Variants in TBC1D22A observed in about 807,000 individuals in gnomAD.
The protein encoded by TBC1D22A is TBC1 domain family member 22A, also known as putative GTPase activator.
A neutral mutation model predicts 60.2 loss-of-function variants in TBC1D22A; 38 were observed. The observed-to-expected ratio is 0.63, with a 90% CI of 0.49 to 0.83. The LOEUF (loss-of-function observed/expected upper bound fraction) is 0.83. Among genes scored for constraint, TBC1D22A ranks in the 40% least tolerant of loss-of-function variants. The probability of loss-of-function intolerance (pLI) is 0.00; values close to 1 mark genes in which losing one functional copy is unlikely to be tolerated. For synonymous variants in TBC1D22A, 302 were observed against 281.7 expected (o/e 1.07, Z -0.72); for missense variants, 628 against 701.0 (o/e 0.90, Z 1.18).
At chr22:47,068,747 A>G (rs879562339) in intron 11 of TBC1D22A, among the ~76,000 whole-genome samples, 2 of 152,208 alleles carry the variant, frequency 1.3e-5, no homozygotes, top group East Asian at 1.9e-4. Flanking sequence ...CAGCAGTGCT[A>G]TTGTTTAGAA....
At chr22:47,115,984 T>G (rs533557535) in intron 12 of TBC1D22A, 29 of 152,344 alleles carry the variant, frequency 1.9e-4, no homozygotes, top group African/African-American at 7.0e-4. Context: ...CATTTATCCA[T>G]TTTACCCCCC....
At chr22:47,146,141 G>C (rs139097961) in intron 12 of TBC1D22A, among the ~76,000 whole-genome samples, 1 of 148,930 alleles carries the variant, frequency 6.7e-6, no homozygotes, top group East Asian at 2.0e-4. Context: ...TGTTTGTGCT[G>C]TCCCTTAAAA....
chr22:47,024,491 G>A (rs774431037), intron 10 of TBC1D22A, among the ~76,000 whole-genome samples: 6 of 152,112 alleles, frequency 3.9e-5, no homozygotes, highest in Non-Finnish European at 8.8e-5. Flanking sequence ...GCTGAGGGTG[G>A]GAGAGGAGAA....
At chr22:46,785,551 G>A (rs1433687142) in intron 1 of TBC1D22A, among the ~76,000 whole-genome samples, 1 of 152,058 alleles carries the variant, frequency 6.6e-6, no homozygotes, top group Non-Finnish European at 1.5e-5. Flanking sequence ...CAATTTTAGA[G>A]CATGTTTATT....
chr22:46,903,207 G>A (rs772126845), intron 7 of TBC1D22A, among the ~76,000 whole-genome samples: 12 of 152,168 alleles, frequency 7.9e-5, no homozygotes, highest in Non-Finnish European at 7.4e-5. Flanking sequence ...GTTCGGGACC[G>A]AGGGCTGAGG....
chr22:47,026,796 T>C (rs2062271253), intron 10 of TBC1D22A, among the ~76,000 whole-genome samples: 1 of 152,164 alleles, frequency 6.6e-6, no homozygotes, highest in Non-Finnish European at 1.5e-5. Flanking sequence ...CTCAAGAGTA[T>C]TAAATGTCAG....
intron 12 of TBC1D22A, among the ~76,000 whole-genome samples, chr22:47,158,995 A>G (rs1472209762): frequency 6.6e-6 from 1 of 150,652 alleles, no homozygotes; most frequent in Non-Finnish European, 1.5e-5. Flanking sequence ...CCATGTATGC[A>G]CACAGATAAC....
At chr22:47,039,935 CT>C (rs570751261) in intron 11 of TBC1D22A, among the ~76,000 whole-genome samples, 1,016 of 77,178 alleles carry the variant, frequency 0.013, no homozygotes, top group Middle Eastern at 0.021. Context: ...GTGCCACAGC[CT>C]TTTTTTTTTT....
chr22:47,050,951 G>T (rs1477604152), intron 11 of TBC1D22A, among the ~76,000 whole-genome samples: 1 of 152,210 alleles, frequency 6.6e-6, no homozygotes, highest in Non-Finnish European at 1.5e-5. Flanking sequence ...GAGGGAGCAG[G>T]GGGTGGCGGG....
At chr22:46,922,808 A>G (rs1042036052) in intron 8 of TBC1D22A, among the ~76,000 whole-genome samples, 11 of 152,212 alleles carry the variant, frequency 7.2e-5, no homozygotes, top group Non-Finnish European at 1.3e-4. Context: ...TACTGAAGCT[A>G]TCAGATCTAG....
intron 1 of TBC1D22A, 45 bp downstream of exon 1, chr22:46,762,893 TC>T (rs2083149095): frequency 6.8e-7 from 1 of 1,463,202 alleles, no homozygotes; most frequent in Non-Finnish European, 9.0e-7. Flanking sequence ...GGGTCAGAGG[TC>T]AGGTGGCCGC....
At chr22:47,044,619 C>T (rs1051995790) in intron 11 of TBC1D22A, among the ~76,000 whole-genome samples, 4 of 152,154 alleles carry the variant, frequency 2.6e-5, no homozygotes, top group African/African-American at 7.2e-5. Flanking sequence ...GATTTGAGGT[C>T]GTAAGCTTTC....
At chr22:47,123,862 A>AGGTTTGTGTTGCTGTGTGG (rs919970497) in intron 12 of TBC1D22A, among the ~76,000 whole-genome samples, 3 of 152,162 alleles carry the variant, frequency 2.0e-5, no homozygotes, top group South Asian at 4.2e-4. Context: ...CTGTGAGATC[A>AGGTTTGTGTTGCTGTGTGG]GGTTTGTGTT....
At chr22:46,869,013 G>T (rs752074076) in intron 4 of TBC1D22A, among the ~76,000 whole-genome samples, 6 of 152,310 alleles carry the variant, frequency 3.9e-5, no homozygotes, top group African/African-American at 1.4e-4. Context: ...TGGCCGCTCC[G>T]TGTTGGCGTC....
chr22:46,874,562 C>CTTTTTTTTTTTTTTTTT (rs747481407), intron 4 of TBC1D22A, among the ~76,000 whole-genome samples: 2 of 40,778 alleles, frequency 4.9e-5, no homozygotes, highest in African/African-American at 2.1e-4. Context: ...ACAGGTATGT[C>CTTTTTTTTTTTTTTTTT]TTTTTTTTTT....
At chr22:47,134,302 C>T (rs1223775283) in intron 12 of TBC1D22A, among the ~76,000 whole-genome samples, 1 of 152,154 alleles carries the variant, frequency 6.6e-6, no homozygotes, top group Non-Finnish European at 1.5e-5. Context: ...AAACATCTCC[C>T]TCTCAGCTGT....
At chr22:47,057,619 C>T (rs116155607) in intron 11 of TBC1D22A, among the ~76,000 whole-genome samples, 1,667 of 152,254 alleles carry the variant, frequency 0.011, 34 homozygotes, top group African/African-American at 0.036. Context: ...TCATGGAAGA[C>T]GAAGGAGGAG....
At chr22:46,996,211 C>T (rs971270921) in intron 9 of TBC1D22A, among the ~76,000 whole-genome samples, 6 of 152,226 alleles carry the variant, frequency 3.9e-5, no homozygotes, top group African/African-American at 1.4e-4. Context: ...CCCAGCACCT[C>T]CTGTTTGGAC....
chr22:46,850,046 T>C lies in TBC1D22A; in HGVS notation c.638-28607T>C, dbSNP rs562027250. On this transcript the variant is annotated intron_variant, in intron 4 of 12. Transcript: ENST00000337137. ...AACAGCTCCTGCATTTGTGGAGACA[T>C]AGCCCTTCTTTCCTGGGTGTGCATC... 2.8e-4 allele frequency among the ~76,000 whole-genome samples: 42 copies of C among 152,350 alleles called. No individual in the cohort carries two copies. The East Asian group carries it at 7.7e-3, about 28-fold the overall frequency.
Sources: allele counts gnomAD v4.1 joint callset (sites outside exome capture counted in the v4.1 genomes callset), GRCh38; gene constraint gnomAD v4.1.1; transcripts MANE v1.5; gene names NCBI Gene and HGNC (gene_info 2026-07-23, HGNC 2026-07-21).